KDM3A: variants seen among roughly 807,000 people sequenced by gnomAD.
The protein encoded by KDM3A is lysine demethylase 3A, also known as lysine-specific demethylase 3A.
In KDM3A, 60 loss-of-function variants were observed where a neutral mutation model predicts 158.0. The ratio of observed to expected loss-of-function variants is 0.38; its 90% CI spans 0.31 to 0.47. KDM3A has a LOEUF of 0.47. KDM3A is among the 20% of genes least tolerant of loss of function. The probability of loss-of-function intolerance (pLI) is 0.99; values close to 1 mark genes in which losing one functional copy is unlikely to be tolerated. For synonymous variants in KDM3A, 608 were observed against 549.3 expected (o/e 1.11, Z -1.49); for missense variants, 1,319 against 1,574.3 (o/e 0.84, Z 2.74).
chr2:86,480,414 G>T (rs1299306190), intron 16 of KDM3A, 52 bp downstream of exon 16: 2 of 1,488,142 alleles, frequency 1.3e-6, no homozygotes, highest in Admixed American at 3.8e-5. Flanking sequence ...GTCCATTCGT[G>T]GAAGGACTTG....
intron 21 of KDM3A, chr2:86,488,036 G>C (rs1674269810): frequency 8.1e-6 from 1 of 123,644 alleles, no homozygotes; most frequent in African/African-American, 2.7e-5. Flanking sequence ...CTTCAAGTTT[G>C]TGTTTATCGT....
In KDM3A at chr2:86,489,325, C is replaced by T. The variant is rs990752466; in HGVS notation, c.3321C>T (p.Ile1107=). ...GPKMYNAYGL[I]TPEDRKYGTT... Reference sequence around the variant, plus strand: ...GGCACTTTGTTTTTGCAGGATTAATCACTCCTGAAGATCGGAAATATGGAA... The same window carrying T: ...GGCACTTTGTTTTTGCAGGATTAATTACTCCTGAAGATCGGAAATATGGAA... The change falls in exon 22 of 26, where the codon ATC becomes ATT. Residue 1107 remains isoleucine (I), a synonymous_variant. Coordinates refer to ENST00000312912, the MANE Select transcript of KDM3A (RefSeq NM_018433.6). The T allele has an allele frequency of 1.9e-6, 3 of 1,613,014 alleles. No homozygotes were observed. Among genetic ancestry groups the T allele is most frequent in the Non-Finnish European group, 2.5e-6 (3 of 1,179,570 alleles).
chr2:86,459,162 C>T (rs56169889), intron 8 of KDM3A, among the ~76,000 whole-genome samples: 20,429 of 151,972 alleles, frequency 0.13, 1,505 homozygotes, highest in Non-Finnish European at 0.16. Flanking sequence ...TATAGTCTCC[C>T]AGTATAGAAA....
chr2:86,446,213 T>C (rs1682952263), intron 2 of KDM3A, among the ~76,000 whole-genome samples: 1 of 152,170 alleles, frequency 6.6e-6, no homozygotes, highest in African/African-American at 2.4e-5. Context: ...AAAATACCCA[T>C]TAAAAGAAGA....
chr2:86,490,504 C>CT (rs1161643657), intron 23 of KDM3A: 1 of 162,814 alleles, frequency 6.1e-6, no homozygotes, highest in East Asian at 1.8e-4. Flanking sequence ...CTGCAGCTGT[C>CT]TTTGGGACTG....
At chr2:86,478,103 C>A in intron 13 of KDM3A, 67 bp from the exon 14 acceptor site, 5 of 1,607,922 alleles carry the variant, frequency 3.1e-6, no homozygotes, top group Non-Finnish European at 4.3e-6. Flanking sequence ...TTGTGTTTGG[C>A]GGGTTTCTTG....
At chr2:86,443,026 C>G (rs943971464) in intron 2 of KDM3A, among the ~76,000 whole-genome samples, 2 of 152,016 alleles carry the variant, frequency 1.3e-5, no homozygotes, top group Non-Finnish European at 2.9e-5. Context: ...ATTGTGCTCC[C>G]TAATAGAAGT....
intron 9 of KDM3A, among the ~76,000 whole-genome samples, chr2:86,465,133 A>G (rs1446745412): frequency 6.6e-6 from 1 of 152,204 alleles, no homozygotes; most frequent in East Asian, 1.9e-4. Flanking sequence ...GGTATAATAG[A>G]AAAAAAGGAC....
rs1558634146 is a variant in KDM3A, at chr2:86,489,657, A to C, written c.3571A>C (p.Lys1191Gln). 1 of 1,610,482 alleles carries C rather than the reference A, an allele frequency of 6.2e-7. No individual in the cohort carries two copies. Among genetic ancestry groups the C allele is most frequent in the Admixed American group, 1.7e-5 (1 of 59,116 alleles). ...GGAGAAGATAAGGGAATTTCTTAAA[A>C]AGGTGTGCTGCTTATGGCATGTGTG... ...DTEKIREFLK[K>Q]VSEEQGQENP... The change falls in exon 23 of 26, where the codon AAG (lysine) becomes CAG (glutamine). Residue 1191 changes from lysine to glutamine, a missense_variant and splice_region_variant. Lys to Gln is a moderately conservative substitution (Grantham distance 53, BLOSUM62 1). Transcript: ENST00000312912.
At position 86,464,150 on chromosome 2, in the gene KDM3A, C is replaced by T; in HGVS notation, c.941C>T (p.Pro314Leu). The T allele has an allele frequency of 6.2e-7, 1 of 1,612,640 alleles. No homozygotes were observed. Among genetic ancestry groups the T allele is most frequent in the African/African-American group, 1.3e-5 (1 of 74,936 alleles). The change falls in exon 9 of 26, where the codon CCA becomes CTA. Residue 314 changes from proline to leucine, a missense_variant. Coordinates refer to ENST00000312912, the MANE Select transcript of KDM3A (RefSeq NM_018433.6). ...CTAATPPSKD[P>L]RQQSTPQAAN... ...GCGGCAACTCCACCTAGTAAGGACC[C>T]AAGACAGCAAAGTACTCCCCAGGCT...
intron 2 of KDM3A, chr2:86,443,183 A>G (rs549692047): frequency 6.0e-4 from 92 of 152,326 alleles, no homozygotes; most frequent in African/African-American, 2.2e-3. Context: ...AGAACAGAAG[A>G]TATTTCCACC....
chr2:86,446,942 T>C (rs566647945), intron 2 of KDM3A, among the ~76,000 whole-genome samples: 191 of 152,154 alleles, frequency 1.3e-3, no homozygotes, highest in African/African-American at 4.5e-3. Context: ...CTCCTGAATA[T>C]CTAGGACCAC....
intron 11 of KDM3A, among the ~76,000 whole-genome samples, chr2:86,470,994 T>C (rs1301208656): frequency 6.6e-6 from 1 of 152,162 alleles, no homozygotes; most frequent in Non-Finnish European, 1.5e-5. Flanking sequence ...TTATTTGCTT[T>C]GGGAGGATTA....
At chr2:86,455,643 T>C (rs1351204475) in intron 5 of KDM3A, among the ~76,000 whole-genome samples, 2 of 152,048 alleles carry the variant, frequency 1.3e-5, no homozygotes, top group Non-Finnish European at 2.9e-5. Context: ...AGGGATTATA[T>C]GAAACTAACA....
At chr2:86,455,988 TA>T (rs1480631192) in intron 5 of KDM3A, among the ~76,000 whole-genome samples, 38 of 150,118 alleles carry the variant, frequency 2.5e-4, no homozygotes, top group African/African-American at 9.1e-4. Flanking sequence ...AGAAAAAAGA[TA>T]TTTTTAAAGC....
chr2:86,468,553 A>AAACTT (rs1257495340), intron 10 of KDM3A, among the ~76,000 whole-genome samples: 2 of 46,514 alleles, frequency 4.3e-5, no homozygotes, highest in African/African-American at 1.9e-4. Flanking sequence ...AAGAAGTGAA[A>AAACTT]AACTTACATC....
At chr2:86,453,963 C>G (rs546366470) in intron 4 of KDM3A, among the ~76,000 whole-genome samples, 5 of 152,106 alleles carry the variant, frequency 3.3e-5, no homozygotes, top group African/African-American at 1.2e-4. Flanking sequence ...CAAGTTATTC[C>G]TATTGACAGT....
At chr2:86,470,543 T>C (rs1285513205) in intron 11 of KDM3A, 135 bp downstream of exon 11, 1 of 678,578 alleles carries the variant, frequency 1.5e-6, no homozygotes, top group Non-Finnish European at 2.5e-6. Context: ...TTATAATCTC[T>C]AGGTTGGAGA....
intron 14 of KDM3A, 31 bp downstream of exon 14, chr2:86,478,296 C>G (rs763275706): frequency 1.3e-6 from 2 of 1,517,886 alleles, no homozygotes; most frequent in South Asian, 2.3e-5. Flanking sequence ...ATTTTCTTTC[C>G]CCTTGTCTTG....
Sources: gnomAD v4.1 joint callset for allele counts (sites outside exome capture counted in the v4.1 genomes callset) on GRCh38, gnomAD v4.1.1 for gene constraint, MANE v1.5 for transcripts, NCBI Gene and HGNC (gene_info 2026-07-23, HGNC 2026-07-21) for gene names.